The following EYS variants were observed in gnomAD, a reference collection of about 807,000 sequenced individuals.
The protein encoded by EYS is EGF-like photoreceptor maintenance factor.
Under a neutral mutation model 282.1 loss-of-function variants are expected in EYS, and 250 were observed. The observed-to-expected ratio is 0.89, with a 90% CI of 0.80 to 0.98. The LOEUF (loss-of-function observed/expected upper bound fraction) is 0.98. EYS is among the 50% of genes least tolerant of loss of function. The pLI, the probability that EYS is intolerant of heterozygous loss-of-function variation, is 0.00. For missense variants in EYS, 4,016 were observed against 3,709.0 expected (o/e 1.08, Z -2.15); for synonymous variants, 1,355 against 1,282.9 (o/e 1.06, Z -1.20).
Position 65,047,732 on chromosome 6 carries a change from T to C in EYS, c.2137+9882A>G, listed in dbSNP as rs73765732. Among the ~76,000 whole-genome samples, 992 of 151,946 alleles carry C rather than the reference T, an allele frequency of 6.5e-3. 15 individuals are homozygous for C. Among genetic ancestry groups the C allele is most frequent in the African/African-American group, 0.022 (896 of 41,492 alleles). On this transcript the variant is annotated intron_variant, in intron 13 of 42. Coordinates refer to ENST00000503581, the MANE Select transcript of EYS (RefSeq NM_001142800.2). ...GAGATGATGCAATTGAACTCAGAAA[T>C]GTGTGGGGAATTTAATAAGGGACTA...
intron 39 of EYS, among the ~76,000 whole-genome samples, chr6:63,782,209 C>T (rs1332111000): frequency 6.6e-6 from 1 of 152,078 alleles, no homozygotes; most frequent in Non-Finnish European, 1.5e-5. Flanking sequence ...GTCTAAAATT[C>T]TCTTTTTGTG....
At chr6:64,640,510 A>G (rs1768096869) in intron 22 of EYS, among the ~76,000 whole-genome samples, 3 of 150,760 alleles carry the variant, frequency 2.0e-5, no homozygotes, top group Non-Finnish European at 4.4e-5. Context: ...ATAGATGGGA[A>G]TCGAACAATG....
chr6:63,781,081 A>G (rs1770210651), intron 39 of EYS, among the ~76,000 whole-genome samples: 1 of 152,048 alleles, frequency 6.6e-6, no homozygotes, highest in East Asian at 1.9e-4. Context: ...TTATTTCTGA[A>G]GGCTCTGTTC....
chr6:64,570,013 A>G (rs1301698062), intron 26 of EYS, among the ~76,000 whole-genome samples: 1 of 152,202 alleles, frequency 6.6e-6, no homozygotes, highest in East Asian at 1.9e-4. Flanking sequence ...GGATGAAATG[A>G]AGGAAAAAAA....
chr6:65,550,401 A>G (rs1430091252), intron 2 of EYS, among the ~76,000 whole-genome samples: 2 of 11,392 alleles, frequency 1.8e-4, no homozygotes, highest in Admixed American at 1.8e-3. Context: ...GGTTAGTTAC[A>G]TATGTATACA....
intron 19 of EYS, among the ~76,000 whole-genome samples, chr6:64,842,821 C>A (rs1765602798): frequency 6.6e-6 from 1 of 152,008 alleles, no homozygotes; most frequent in Admixed American, 6.6e-5. Context: ...CTGTTAAAAG[C>A]ACTCTGTTTT....
At chr6:65,372,708 C>T (rs1449984960) in intron 8 of EYS, among the ~76,000 whole-genome samples, 2 of 151,982 alleles carry the variant, frequency 1.3e-5, no homozygotes, top group Non-Finnish European at 2.9e-5. Flanking sequence ...TGTGAATGTG[C>T]TTGATTAGAT....
chr6:63,951,018 C>A (rs988415134), intron 35 of EYS, among the ~76,000 whole-genome samples: 1 of 152,048 alleles, frequency 6.6e-6, no homozygotes, highest in Non-Finnish European at 1.5e-5. Context: ...CACGGGGATG[C>A]CTGCCTTGAT....
At chr6:64,989,799 T>TACACAC (rs3033931) in intron 14 of EYS, among the ~76,000 whole-genome samples, 13 of 140,150 alleles carry the variant, frequency 9.3e-5, no homozygotes, top group African/African-American at 3.1e-4. Context: ...TATATATTCA[T>TACACAC]ACACACACAC....
chr6:63,958,436 C>G (rs1452395629), intron 35 of EYS, among the ~76,000 whole-genome samples: 1 of 95,948 alleles, frequency 1.0e-5, no homozygotes, highest in Non-Finnish European at 2.8e-5. Context: ...ATGTTTGTGG[C>G]CCCCACAATG....
chr6:64,049,435 T>A (rs779504365), intron 33 of EYS, among the ~76,000 whole-genome samples: 2 of 152,178 alleles, frequency 1.3e-5, no homozygotes, highest in Non-Finnish European at 2.9e-5. Flanking sequence ...ATTTTTAATA[T>A]TTTGGTGATT....
chr6:64,205,279 T>G (rs1325058474), intron 31 of EYS, among the ~76,000 whole-genome samples: 2 of 152,218 alleles, frequency 1.3e-5, no homozygotes, highest in Non-Finnish European at 2.9e-5. Flanking sequence ...CAGTCGTATT[T>G]GTACTATTCC....
chr6:65,480,849 G>T (rs1431102820), intron 5 of EYS, among the ~76,000 whole-genome samples: 1 of 152,070 alleles, frequency 6.6e-6, no homozygotes, highest in Non-Finnish European at 1.5e-5. Flanking sequence ...AGCGAAATAG[G>T]TCAGGCACAG....
intron 13 of EYS, among the ~76,000 whole-genome samples, chr6:65,010,122 T>C (rs1771819832): frequency 6.6e-6 from 1 of 152,148 alleles, no homozygotes; most frequent in South Asian, 2.1e-4. Context: ...ACTTTATATG[T>C]CACAGAAAAG....
intron 2 of EYS, among the ~76,000 whole-genome samples, chr6:65,612,176 T>G (rs1172980614): frequency 6.6e-6 from 1 of 151,108 alleles, no homozygotes; most frequent in Non-Finnish European, 1.5e-5. Flanking sequence ...GATTGGCATG[T>G]GTCTTTGAAT....
At chr6:65,283,768 G>T (rs970016129) in intron 12 of EYS, among the ~76,000 whole-genome samples, 24 of 152,004 alleles carry the variant, frequency 1.6e-4, no homozygotes, top group African/African-American at 5.8e-4. Flanking sequence ...ATCTCTAGCA[G>T]ATCTCATAAA....
chr6:65,247,916 C>G (rs1415975853), intron 12 of EYS, among the ~76,000 whole-genome samples: 1 of 151,966 alleles, frequency 6.6e-6, no homozygotes, highest in South Asian at 2.1e-4. Flanking sequence ...TAGTTTGTGA[C>G]TCTCTTTATT....
chr6:64,241,992 C>G (rs1483830180), intron 30 of EYS, among the ~76,000 whole-genome samples: 5 of 152,086 alleles, frequency 3.3e-5, no homozygotes, highest in Admixed American at 2.0e-4. Context: ...GTTTCTTAAT[C>G]TTGAGTTCTA....
At chr6:64,259,520 C>A (rs1486258382) in intron 30 of EYS, among the ~76,000 whole-genome samples, 1 of 151,936 alleles carries the variant, frequency 6.6e-6, no homozygotes, top group Non-Finnish European at 1.5e-5. Context: ...GAAGGAGATC[C>A]TGCCCCTCCG....
Sources: gnomAD v4.1 joint callset for allele counts (sites outside exome capture counted in the v4.1 genomes callset) on GRCh38, gnomAD v4.1.1 for gene constraint, MANE v1.5 for transcripts, NCBI Gene and HGNC (gene_info 2026-07-23, HGNC 2026-07-21) for gene names.